DYM: variants seen among roughly 807,000 people sequenced by gnomAD.
The protein encoded by DYM is dymeclin.
Under a neutral mutation model 93.1 loss-of-function variants are expected in DYM, and 78 were observed. That is an observed-to-expected ratio of 0.84 (90% confidence interval 0.70 to 1.01). The LOEUF is 1.01. Ranked by LOEUF, DYM falls within the 50% of genes least tolerant of loss-of-function variation. The probability of loss-of-function intolerance (pLI) is 0.00; values close to 1 mark genes in which losing one functional copy is unlikely to be tolerated. For missense variants in DYM, 789 were observed against 845.0 expected, an observed-to-expected ratio of 0.93 and a Z score of 0.82; for synonymous variants, 321 against 319.7, an observed-to-expected ratio of 1.00 and a Z score of -0.04.
chr18:49,210,745 C>A (rs1247181931), intron 13 of DYM, among the ~76,000 whole-genome samples: 2 of 152,138 alleles, frequency 1.3e-5, no homozygotes, highest in Non-Finnish European at 2.9e-5. Flanking sequence ...ATACGTCACT[C>A]TGGCACAGGA....
chr18:49,352,908 T>C (rs2065233296), intron 6 of DYM, among the ~76,000 whole-genome samples: 1 of 152,116 alleles, frequency 6.6e-6, no homozygotes, highest in South Asian at 2.1e-4. Flanking sequence ...CAATACTCTT[T>C]ATTGAAATAC....
chr18:49,170,978 T>G (rs1287966408), intron 14 of DYM, among the ~76,000 whole-genome samples: 1 of 151,686 alleles, frequency 6.6e-6, no homozygotes, highest in East Asian at 1.9e-4. Context: ...TAAAGTAGGA[T>G]TTACCAAAAA....
chr18:49,409,001 T>C (rs1050366161), intron 2 of DYM, among the ~76,000 whole-genome samples: 2 of 152,124 alleles, frequency 1.3e-5, no homozygotes, highest in Non-Finnish European at 2.9e-5. Flanking sequence ...TCAGTAAATG[T>C]GGGCTGGGCA....
chr18:49,288,778 T>C (rs1357489620), intron 8 of DYM, among the ~76,000 whole-genome samples: 2 of 150,966 alleles, frequency 1.3e-5, no homozygotes, highest in African/African-American at 4.9e-5. Context: ...AGACTCTGTC[T>C]CAAAAAAAAA....
intron 17 of DYM, among the ~76,000 whole-genome samples, chr18:49,080,712 G>A (rs1599600277): frequency 6.7e-6 from 1 of 149,274 alleles, no homozygotes; most frequent in South Asian, 2.1e-4. Context: ...AGACGGGGTG[G>A]CTGCCGGGCA....
At chr18:49,391,701 G>C (rs2069275034) in intron 2 of DYM, 56 bp from the exon 3 acceptor site, 2 of 1,404,524 alleles carry the variant, frequency 1.4e-6, no homozygotes. Context: ...ATATGTACAT[G>C]CTAATCAGTT....
At chr18:49,149,258 C>T (rs755133712) in intron 15 of DYM, among the ~76,000 whole-genome samples, 20 of 152,136 alleles carry the variant, frequency 1.3e-4, no homozygotes, top group South Asian at 8.3e-4. Flanking sequence ...CTCACTTGCC[C>T]GCCGCTCACC....
intron 10 of DYM, among the ~76,000 whole-genome samples, chr18:49,278,594 C>T (rs1316927166): frequency 1.3e-5 from 2 of 152,056 alleles, no homozygotes; most frequent in African/African-American, 4.8e-5. Context: ...AGTGGATACA[C>T]AACCCAAGAA....
At position 49,141,212 on chromosome 18, in the gene DYM, T is replaced by C. The variant is rs2084451086; in HGVS notation, c.1729-22286A>G. ...CCATCTGCAGCCTAGCCTTTTCCTCTTGAGTTCCAAGCCACTGTAATCTCT... is the reference window on the plus strand; with the variant it reads ...CCATCTGCAGCCTAGCCTTTTCCTCCTGAGTTCCAAGCCACTGTAATCTCT... On this transcript the variant is annotated intron_variant, in intron 15 of 17. Coordinates refer to ENST00000675505, the MANE Select transcript of DYM (RefSeq NM_001353214.3). 5.9e-5 allele frequency among the ~76,000 whole-genome samples: 9 copies of C among 152,328 alleles called. 1 individual carries two copies. In the South Asian group the frequency reaches 1.7e-3, roughly 28 times the overall value.
In DYM at chr18:49,097,484, T is replaced by G. The variant is rs146000214; in HGVS notation, c.1943A>C (p.Gln648Pro). 1 of 1,614,048 alleles carries G rather than the reference T, an allele frequency of 6.2e-7. No individual in the cohort carries two copies. The highest frequency in any genetic ancestry group is 1.7e-5 in the Admixed American group (1 of 59,998). Reference sequence around the variant, plus strand: ...TTCCACTGACAGCTCAGCTCCAGCTTGCAGCAACCTTGAGCTAAAGAAGGA... The same window carrying G: ...TTCCACTGACAGCTCAGCTCCAGCTGGCAGCAACCTTGAGCTAAAGAAGGA... ...VISFFSSRLL[Q>P]AGAELSVERV... Residue 648 changes from glutamine (Q) to proline (P), a missense_variant, in exon 17 of 18, where the codon CAA becomes CCA. This residue lies in a region of DYM where 114 missense variants were observed against 105.8 expected (regional missense o/e 1.08). Coordinates refer to ENST00000675505, the MANE Select transcript of DYM (RefSeq NM_001353214.3).
At chr18:49,187,133 A>G (rs575944572) in intron 14 of DYM, among the ~76,000 whole-genome samples, 2 of 151,958 alleles carry the variant, frequency 1.3e-5, no homozygotes, top group Non-Finnish European at 2.9e-5. Flanking sequence ...GTTAGCCAGG[A>G]TAGTCTCAAT....
Position 49,179,915 on chromosome 18 carries a change from C to A in DYM, c.1626-16128G>T, listed in dbSNP as rs938815151. Among the ~76,000 whole-genome samples, 2 of 152,206 alleles carry A rather than the reference C, an allele frequency of 1.3e-5. 1 individual carries two copies. The highest frequency in any genetic ancestry group is 1.3e-4 in the Admixed American group (2 of 15,280). On this transcript the variant is annotated intron_variant, in intron 14 of 17. Coordinates refer to ENST00000675505, the MANE Select transcript of DYM (RefSeq NM_001353214.3). Reference sequence around the variant, plus strand: ...TTCAAAGCATGAATCTGTTGAACTTCTTTAAAGTTTATACTAAAGTGGAGA... The same window carrying A: ...TTCAAAGCATGAATCTGTTGAACTTATTTAAAGTTTATACTAAAGTGGAGA...
chr18:49,274,097 C>G (rs2094784352), intron 10 of DYM, among the ~76,000 whole-genome samples: 1 of 152,084 alleles, frequency 6.6e-6, no homozygotes, highest in Admixed American at 6.6e-5. Context: ...ACCATCACCA[C>G]AGGCAACTTG....
chr18:49,435,138 G>A (rs770409349), intron 1 of DYM, among the ~76,000 whole-genome samples: 30 of 149,348 alleles, frequency 2.0e-4, no homozygotes, highest in Non-Finnish European at 3.7e-4. Flanking sequence ...AACCCAGGAG[G>A]CAGAGGTTTC....
chr18:49,079,553 C>T (rs1473680476), intron 17 of DYM, among the ~76,000 whole-genome samples: 1 of 151,854 alleles, frequency 6.6e-6, no homozygotes, highest in Non-Finnish European at 1.5e-5. Flanking sequence ...ACCCTGCGGC[C>T]TTCCGCAGTG....
chr18:49,327,437 G>C (rs1017726544), intron 8 of DYM, among the ~76,000 whole-genome samples: 8 of 151,908 alleles, frequency 5.3e-5, no homozygotes, highest in Admixed American at 1.3e-4. Flanking sequence ...GCACACTGCA[G>C]CCTCGACCTT....
chr18:49,097,165 T>A (rs575068824), intron 17 of DYM: 10 of 571,860 alleles, frequency 1.7e-5, no homozygotes, highest in Admixed American at 3.0e-5. Context: ...AGGTGTCCTT[T>A]TATTAACAGT....
At chr18:49,436,065 T>C (rs1009476213) in intron 1 of DYM, among the ~76,000 whole-genome samples, 7 of 152,176 alleles carry the variant, frequency 4.6e-5, no homozygotes, top group African/African-American at 1.4e-4. Flanking sequence ...CACACTAGAG[T>C]GCAGTGGCAT....
intron 16 of DYM, among the ~76,000 whole-genome samples, chr18:49,117,860 T>C (rs909762493): frequency 6.6e-6 from 1 of 152,104 alleles, no homozygotes; most frequent in Non-Finnish European, 1.5e-5. Context: ...ATGGAACATA[T>C]ATTATAGTAG....
Sources: gnomAD v4.1 joint callset for allele counts (sites outside exome capture counted in the v4.1 genomes callset) on GRCh38, gnomAD v4.1.1 for gene constraint, gnomAD v4.1.1 regional missense constraint, MANE v1.5 for transcripts, NCBI Gene and HGNC (gene_info 2026-07-23, HGNC 2026-07-21) for gene names.